Variants in ZNF385D observed in about 807,000 individuals in gnomAD.
ZNF385D encodes the protein zinc finger protein 385D, also known as zinc finger protein 659.
In ZNF385D, 15 loss-of-function variants were observed where a neutral mutation model predicts 35.8. The observed-to-expected ratio is 0.42, with a 90% CI of 0.28 to 0.64. The LOEUF (loss-of-function observed/expected upper bound fraction) is 0.64. Among genes scored for constraint, ZNF385D ranks in the 30% least tolerant of loss-of-function variants. The pLI is 0.23. For synonymous variants in ZNF385D, 212 were observed against 186.8 expected (o/e 1.13, Z -1.10); for missense variants, 474 against 494.6 (o/e 0.96, Z 0.39).
At chr3:22,183,168 T>TA (rs1462113822) in intron 2 of ZNF385D, among the ~76,000 whole-genome samples, 2 of 152,150 alleles carry the variant, frequency 1.3e-5, no homozygotes, top group Non-Finnish European at 2.9e-5. Context: ...ATAGCATGAA[T>TA]AGTTAAGTTT....
intron 2 of ZNF385D, among the ~76,000 whole-genome samples, chr3:22,257,150 A>G (rs185724643): frequency 6.6e-6 from 1 of 151,952 alleles, no homozygotes; most frequent in East Asian, 1.9e-4. Flanking sequence ...CAATAACAAT[A>G]TACAGGCTTC....
At chr3:22,370,415 C>T (rs1696848927) in intron 2 of ZNF385D, among the ~76,000 whole-genome samples, 1 of 152,194 alleles carries the variant, frequency 6.6e-6, no homozygotes, top group Non-Finnish European at 1.5e-5. Flanking sequence ...CTCTCTAAAG[C>T]TGGCAGTCCG....
chr3:21,866,357 G>C (rs543703242), intron 3 of ZNF385D, among the ~76,000 whole-genome samples: 5 of 152,134 alleles, frequency 3.3e-5, no homozygotes, highest in Non-Finnish European at 5.9e-5. Context: ...GGGAGGCTGA[G>C]GAAGGAGAAT....
intron 2 of ZNF385D, among the ~76,000 whole-genome samples, chr3:22,295,694 ATTACT>A (rs1207426011): frequency 1.3e-5 from 2 of 152,142 alleles, no homozygotes; most frequent in African/African-American, 4.8e-5. Flanking sequence ...CCCCCTTTTG[ATTACT>A]TTATATGCAC....
At position 21,602,517 on chromosome 3, in the gene ZNF385D, C is replaced by CTTT. The variant is rs746138066; in HGVS notation, c.166-37836_166-37834dup. On this transcript the variant is annotated intron_variant, in intron 2 of 7. Coordinates refer to ENST00000281523, the MANE Select transcript of ZNF385D (RefSeq NM_024697.3). The stretch of plus-strand genomic sequence containing the variant: ...TAGGTCTCCTGTTTCCCTGCATTTT[C>CTTT]TTTTTTTTTTTTTTTTTTTTTTTTT... Among the ~76,000 whole-genome samples the CTTT allele has an allele frequency of 3.1e-3, 195 of 62,684 alleles. 27 individuals carry two copies. Among genetic ancestry groups the CTTT allele is most frequent in the African/African-American group, 4.7e-3 (62 of 13,234 alleles). The allele number at this position is 62,684 out of a possible 152,430, so 41.1% of individuals were successfully genotyped here. A position where few individuals can be genotyped will look rare whatever the true frequency, so the allele number is the denominator to read the frequency against.
At chr3:21,436,064 A>C (rs558173122) in intron 5 of ZNF385D, among the ~76,000 whole-genome samples, 1 of 152,304 alleles carries the variant, frequency 6.6e-6, no homozygotes, top group East Asian at 1.9e-4. Context: ...CCTGGCAATG[A>C]ACCCAGTCTT....
intron 3 of ZNF385D, among the ~76,000 whole-genome samples, chr3:21,842,511 C>T (rs779824316): frequency 2.6e-5 from 4 of 151,896 alleles, no homozygotes; most frequent in East Asian, 3.9e-4. Context: ...CCCATTTGGT[C>T]GACACAGGCT....
intron 2 of ZNF385D, among the ~76,000 whole-genome samples, chr3:21,577,750 G>A (rs57360327): frequency 4.6e-5 from 7 of 150,562 alleles, no homozygotes; most frequent in East Asian, 1.9e-4. Context: ...TTTGCATTTC[G>A]TTGATAATTA....
intron 2 of ZNF385D, among the ~76,000 whole-genome samples, chr3:21,629,110 G>A (rs908544880): frequency 1.3e-5 from 2 of 152,056 alleles, no homozygotes; most frequent in Admixed American, 1.3e-4. Flanking sequence ...AAAAAATTGT[G>A]ATCTGTTGAT....
chr3:22,033,989 A>T (rs1213558723), intron 3 of ZNF385D, among the ~76,000 whole-genome samples: 1 of 152,184 alleles, frequency 6.6e-6, no homozygotes, highest in Non-Finnish European at 1.5e-5. Flanking sequence ...TGCTTAGGAC[A>T]GTCCCTTTTT....
chr3:21,871,838 T>C (rs1435633711), intron 3 of ZNF385D, among the ~76,000 whole-genome samples: 20 of 152,088 alleles, frequency 1.3e-4, no homozygotes, highest in Non-Finnish European at 5.9e-5. Flanking sequence ...AAACCCCGTC[T>C]CTACTAAAAA....
intron 2 of ZNF385D, among the ~76,000 whole-genome samples, chr3:22,349,544 A>G (rs1417102089): frequency 6.6e-6 from 1 of 152,208 alleles, no homozygotes; most frequent in African/African-American, 2.4e-5. Context: ...AATAAACAAG[A>G]TAATGCAATT....
chr3:21,526,848 A>C (rs1708257686), intron 3 of ZNF385D, among the ~76,000 whole-genome samples: 2 of 152,214 alleles, frequency 1.3e-5, no homozygotes, highest in Non-Finnish European at 2.9e-5. Context: ...AACTTCACCC[A>C]TCTGACGCGA....
intron 3 of ZNF385D, among the ~76,000 whole-genome samples, chr3:21,973,968 T>A (rs572974391): frequency 1.3e-5 from 2 of 152,044 alleles, no homozygotes; most frequent in Non-Finnish European, 2.9e-5. Flanking sequence ...ATTGGTAGAA[T>A]ATATATTTTT....
chr3:21,944,398 A>G (rs141967828), intron 3 of ZNF385D, among the ~76,000 whole-genome samples: 150 of 152,344 alleles, frequency 9.8e-4, no homozygotes, highest in African/African-American at 3.4e-3. Flanking sequence ...TCAAGCTTTC[A>G]TAGGGGATGA....
intron 2 of ZNF385D, among the ~76,000 whole-genome samples, chr3:22,294,452 G>A (rs1470170746): frequency 2.0e-5 from 3 of 151,924 alleles, no homozygotes; most frequent in African/African-American, 2.4e-5. Context: ...GTCCACCCCC[G>A]CATATTTATC....
chr3:21,834,933 T>G (rs1695234819), intron 3 of ZNF385D, among the ~76,000 whole-genome samples: 1 of 152,152 alleles, frequency 6.6e-6, no homozygotes, highest in African/African-American at 2.4e-5. Context: ...CCCAGTCATG[T>G]AGAATGGTGA....
intron 4 of ZNF385D, among the ~76,000 whole-genome samples, chr3:21,505,795 C>T (rs1706730199): frequency 6.6e-6 from 1 of 152,140 alleles, no homozygotes; most frequent in African/African-American, 2.4e-5. Context: ...AAAGTCTCCA[C>T]CCCAAAATGA....
chr3:21,657,017 A>T (rs1414585795), intron 2 of ZNF385D, among the ~76,000 whole-genome samples: 1 of 151,854 alleles, frequency 6.6e-6, no homozygotes, highest in African/African-American at 2.4e-5. Context: ...GCCTCATCTC[A>T]TTATGATTAG....
Sources: gnomAD v4.1 joint callset for allele counts (sites outside exome capture counted in the v4.1 genomes callset) on GRCh38, gnomAD v4.1.1 for gene constraint, MANE v1.5 for transcripts, NCBI Gene and HGNC (gene_info 2026-07-23, HGNC 2026-07-21) for gene names.